The following SNRPD1 variants were observed in gnomAD, a reference collection of about 807,000 sequenced individuals.
SNRPD1 encodes small nuclear ribonucleoprotein D1 polypeptide.
SNRPD1 carries 1 observed loss-of-function variant against 14.4 expected under a neutral mutation model. That is an observed-to-expected ratio of 0.07 (90% CI 0.02 to 0.33). SNRPD1 has a LOEUF of 0.33. SNRPD1 is among the 10% of genes least tolerant of loss of function. SNRPD1 has a pLI of 1.00. For synonymous variants in SNRPD1, 42 were observed against 50.3 expected (o/e 0.83, Z 0.70); for missense variants, 52 against 146.4 (o/e 0.36, Z 3.33).
At chr18:21,616,577 C>T (rs183885354) in intron 1 of SNRPD1, among the ~76,000 whole-genome samples, 23 of 151,690 alleles carry the variant, frequency 1.5e-4, no homozygotes, top group African/African-American at 4.6e-4. Context: ...AGGCTGGTCT[C>T]GAACTCCTGA....
At chr18:21,627,140 G>T (rs1343090508) in intron 3 of SNRPD1, among the ~76,000 whole-genome samples, 1 of 151,470 alleles carries the variant, frequency 6.6e-6, no homozygotes, top group Non-Finnish European at 1.5e-5. Context: ...GTGGTGGTGG[G>T]CGCCTGCAGT....
At chr18:21,624,896 A>T (rs182688523) in intron 3 of SNRPD1, among the ~76,000 whole-genome samples, 2 of 152,186 alleles carry the variant, frequency 1.3e-5, no homozygotes, top group Non-Finnish European at 2.9e-5. Flanking sequence ...CCTTTAAATC[A>T]TCTCTAGATT....
At chr18:21,615,610 T>C (rs948249618) in intron 1 of SNRPD1, among the ~76,000 whole-genome samples, 3 of 150,314 alleles carry the variant, frequency 2.0e-5, no homozygotes, top group Non-Finnish European at 4.4e-5. Flanking sequence ...AGAGCGAGAC[T>C]CCGTCTCAAA....
chr18:21,629,152 T>A lies in SNRPD1; in HGVS notation c.*14T>A. ...CCTAGGCGATAATGTCTCTCAAGAT[T>A]TCAAAGTCATATGAGATTTGGGATA... On this transcript the variant is annotated 3_prime_UTR_variant, in exon 4 of 4. Coordinates refer to ENST00000300413, the MANE Select transcript of SNRPD1 (RefSeq NM_006938.4). The A allele has an allele frequency of 6.3e-7, 1 of 1,582,260 alleles. No individual in the cohort carries two copies. The highest frequency in any genetic ancestry group is 8.7e-7 in the Non-Finnish European group (1 of 1,151,322).
chr18:21,630,459 T>C lies in SNRPD1; in HGVS notation c.*1321T>C, dbSNP rs998778216. The C allele has an allele frequency of 2.6e-5, 4 of 151,918 alleles. No homozygotes were observed. Among genetic ancestry groups the C allele is most frequent in the African/African-American group, 7.3e-5 (3 of 41,370 alleles). The allele number at this position is 151,918 out of a possible 1,614,324, so 9.4% of individuals were successfully genotyped here. A position where few individuals can be genotyped will look rare whatever the true frequency, so the allele number is the denominator to read the frequency against. ...TAAGTAAAGAAATTTTCTGCAAAGA[T>C]CGTTACCTTAAAAAAGTTTAGCCTG... On this transcript the variant is annotated 3_prime_UTR_variant, in exon 4 of 4. Coordinates refer to ENST00000300413, the MANE Select transcript of SNRPD1 (RefSeq NM_006938.4).
chr18:21,628,419 AAG>A (rs2039056404), intron 3 of SNRPD1, among the ~76,000 whole-genome samples: 1 of 152,208 alleles, frequency 6.6e-6, no homozygotes, highest in Non-Finnish European at 1.5e-5. Flanking sequence ...CTTCTATGTC[AAG>A]ATTTTCTAAT....
intron 1 of SNRPD1, among the ~76,000 whole-genome samples, chr18:21,620,166 A>C (rs2038987120): frequency 6.6e-6 from 1 of 152,054 alleles, no homozygotes; most frequent in African/African-American, 2.4e-5. Context: ...ATATTGGCCA[A>C]GCTGGTCTCC....
At chr18:21,612,808 T>G (rs2038929152) in intron 1 of SNRPD1, among the ~76,000 whole-genome samples, 1 of 152,266 alleles carries the variant, frequency 6.6e-6, no homozygotes, top group South Asian at 2.1e-4. Context: ...TATGAGCTTA[T>G]CTGGAAACAA....
Position 21,612,441 on chromosome 18 carries a change from G to C in SNRPD1, c.12G>C (p.Val4=), listed in dbSNP as rs1188242115. 1.3e-6 allele frequency: 2 copies of C among 1,547,674 alleles called. No homozygotes were observed. Among genetic ancestry groups the C allele is most frequent in the Non-Finnish European group, 1.8e-6 (2 of 1,138,842 alleles). ...ACGGCGCCGCTAGGATGAAGCTCGT[G>C]AGGTGAGGGAGTGACCAAGCAGCTC... The part of the protein sequence containing the change: MKL[V]RFLMKLSHET... The change falls in exon 1 of 4, where the codon GTG becomes GTC. Residue 4 remains valine (V), a splice_region_variant and synonymous_variant. Coordinates refer to ENST00000300413, the MANE Select transcript of SNRPD1 (RefSeq NM_006938.4).
Position 21,632,456 on chromosome 18 carries a change from CAA to C in SNRPD1, c.*3333_*3334del, listed in dbSNP as rs58014159. ...CCTGAGTGACAGAGCGAGACTGTTTCAAAAAAAAAAAAAAAATTTGTTTTGAG... is the reference window on the plus strand; with the variant it reads ...CCTGAGTGACAGAGCGAGACTGTTTCAAAAAAAAAAAAAATTTGTTTTGAG... On this transcript the variant is annotated 3_prime_UTR_variant, in exon 4 of 4. Transcript: ENST00000300413. 17 of 122,602 alleles carry C rather than the reference CAA, an allele frequency of 1.4e-4. No individual in the cohort carries two copies. The highest frequency in any genetic ancestry group is 2.9e-4 in the African/African-American group (10 of 34,780). The allele number at this position is 122,602 out of a possible 1,614,324, so 7.6% of individuals were successfully genotyped here.
At chr18:21,621,728 C>A (rs2038999597) in intron 1 of SNRPD1, among the ~76,000 whole-genome samples, 1 of 152,118 alleles carries the variant, frequency 6.6e-6, no homozygotes, top group Admixed American at 6.5e-5. Context: ...CAGGCGTACG[C>A]CATCCTGCCC....
At chr18:21,622,614 G>T in intron 1 of SNRPD1, 111 bp from the exon 2 acceptor site, 1 of 620,570 alleles carries the variant, frequency 1.6e-6, no homozygotes, top group South Asian at 2.1e-5. Context: ...GATAGGAATT[G>T]ATGCAGATAG....
intron 3 of SNRPD1, among the ~76,000 whole-genome samples, chr18:21,628,480 C>T (rs1267860196): frequency 1.3e-5 from 2 of 152,080 alleles, no homozygotes; most frequent in Non-Finnish European, 2.9e-5. Flanking sequence ...TCATGAATTC[C>T]CTATCACCAT....
At chr18:21,622,265 G>A (rs1026232217) in intron 1 of SNRPD1, among the ~76,000 whole-genome samples, 1 of 151,638 alleles carries the variant, frequency 6.6e-6, no homozygotes, top group Non-Finnish European at 1.5e-5. Context: ...TCAGCCTCCC[G>A]AGTAGCTGGG....
At chr18:21,620,392 C>T (rs935034260) in intron 1 of SNRPD1, among the ~76,000 whole-genome samples, 2 of 152,146 alleles carry the variant, frequency 1.3e-5, no homozygotes, top group Admixed American at 6.6e-5. Context: ...TGAGCCACTG[C>T]ACTGGCAATT....
chr18:21,624,374 C>CAA (rs768597872), intron 3 of SNRPD1, among the ~76,000 whole-genome samples: 17 of 107,266 alleles, frequency 1.6e-4, no homozygotes, highest in African/African-American at 5.2e-4. Context: ...GCCACTGTCT[C>CAA]AAAAAAAAAA....
At chr18:21,618,824 G>T (rs531487301) in intron 1 of SNRPD1, among the ~76,000 whole-genome samples, 4 of 152,124 alleles carry the variant, frequency 2.6e-5, no homozygotes, top group South Asian at 2.1e-4. Flanking sequence ...TTAAAAAAAG[G>T]CATTTTAAGG....
chr18:21,623,149 A>G (rs1468433622), intron 2 of SNRPD1, among the ~76,000 whole-genome samples: 1 of 151,744 alleles, frequency 6.6e-6, no homozygotes, highest in African/African-American at 2.4e-5. Context: ...GCAGTGGCAC[A>G]ATCTCAGGTC....
chr18:21,615,170 C>A (rs1411499508), intron 1 of SNRPD1, among the ~76,000 whole-genome samples: 1 of 152,166 alleles, frequency 6.6e-6, no homozygotes, highest in Admixed American at 6.5e-5. Context: ...TGAATTTTGC[C>A]TGCGCTAGAA....
Sources: gnomAD v4.1 joint callset for allele counts (sites outside exome capture counted in the v4.1 genomes callset) on GRCh38, gnomAD v4.1.1 for gene constraint, MANE v1.5 for transcripts, NCBI Gene and HGNC (gene_info 2026-07-23, HGNC 2026-07-21) for gene names.